The following DMD variants were observed in gnomAD, a reference collection of about 807,000 sequenced individuals.
DMD encodes the protein dystrophin, also known as mutant dystrophin.
A neutral mutation model predicts 330.1 loss-of-function variants in DMD; 63 were observed. The ratio of observed to expected loss-of-function variants is 0.19; its 90% CI spans 0.16 to 0.24. The LOEUF (loss-of-function observed/expected upper bound fraction) is 0.24, where lower values mean the gene tolerates loss of function less well. Ranked by LOEUF, DMD falls within the 10% of genes least tolerant of loss-of-function variation. The pLI, the probability that DMD is intolerant of heterozygous loss-of-function variation, is 1.00. For missense variants in DMD, 3,344 were observed against 2,684.1 expected (o/e 1.25, Z -5.43); for synonymous variants, 1,223 against 959.8 (o/e 1.27, Z -5.07).
chrX:33,319,020 T>C (rs761110183), intron 1 of DMD, among the ~76,000 whole-genome samples: 1 of 110,221 alleles, frequency 9.1e-6, no homozygotes, highest in Admixed American at 9.8e-5. Flanking sequence ...GCCTTCTTGT[T>C]TGGGATTAGT....
intron 2 of DMD, among the ~76,000 whole-genome samples, chrX:32,974,244 T>A (rs1474394495): frequency 9.0e-6 from 1 of 111,371 alleles, no homozygotes. Flanking sequence ...AATAGGCAGA[T>A]CTATAGAGAC....
intron 1 of DMD, among the ~76,000 whole-genome samples, chrX:33,189,369 T>C (rs1279662381): frequency 5.4e-5 from 6 of 111,220 alleles, no homozygotes. Flanking sequence ...TGCCAAGATA[T>C]TTGTATTCTC....
chrX:32,909,216 T>C (rs1205293161), intron 2 of DMD, among the ~76,000 whole-genome samples: 1 of 106,091 alleles, frequency 9.4e-6, no homozygotes, highest in Non-Finnish European at 1.9e-5. Flanking sequence ...AAAATCAGTA[T>C]ACACAGGTAG....
At chrX:32,446,525 C>G (rs2098305683) in intron 27 of DMD, among the ~76,000 whole-genome samples, 1 of 110,244 alleles carries the variant, frequency 9.1e-6, no homozygotes, top group Admixed American at 9.7e-5. Context: ...GCTACTCACA[C>G]TCAAGGAAAG....
At chrX:32,634,384 C>T (rs2146657151) in intron 11 of DMD, among the ~76,000 whole-genome samples, 1 of 112,096 alleles carries the variant, frequency 8.9e-6, no homozygotes, top group African/African-American at 3.2e-5. Context: ...TCTCACCTCT[C>T]CTTTCCTGAA....
chrX:31,740,305 T>A (rs746275008), intron 51 of DMD, among the ~76,000 whole-genome samples: 26 of 112,339 alleles, frequency 2.3e-4, no homozygotes, highest in Admixed American at 8.5e-4. Context: ...ATTTGGCATA[T>A]TAACAAAGGA....
intron 1 of DMD, among the ~76,000 whole-genome samples, chrX:33,304,862 A>G (rs1349622980): frequency 9.6e-6 from 1 of 104,161 alleles, no homozygotes; most frequent in Non-Finnish European, 2.0e-5. Context: ...CAAAACCACA[A>G]TGAGATACCA....
In DMD at chrX:32,648,265, GAAT is replaced by G. The variant is rs111563332; in HGVS notation, c.961-3116_961-3114del. Among the ~76,000 whole-genome samples the G allele has an allele frequency of 8.9e-3, 997 of 111,482 alleles. 7 individuals are homozygous for G. Among genetic ancestry groups the G allele is most frequent in the African/African-American group, 0.031 (958 of 30,757 alleles). On this transcript the variant is annotated intron_variant, in intron 9 of 78. Transcript: ENST00000357033. The stretch of plus-strand genomic sequence containing the variant: ...CCTTCTTAAAGATAAATTCAAATCT[GAAT>G]AAGCTATGCAAAATTTTATATTTAT...
chrX:31,122,535 T>C (rs1308416544), intron 78 of DMD, among the ~76,000 whole-genome samples: 1 of 111,334 alleles, frequency 9.0e-6, no homozygotes. Context: ...GGCTATTTTC[T>C]CTCTGCTTTT....
Position 32,248,074 on chromosome X carries a change from A to G in DMD, c.6291-31011T>C, listed in dbSNP as rs149698849. Reference sequence around the variant, plus strand: ...TGAAGAGAAAGAGGTTATACTAATTATTTGAGCTGTTTCTTTTCATAAGTG... The same window carrying G: ...TGAAGAGAAAGAGGTTATACTAATTGTTTGAGCTGTTTCTTTTCATAAGTG... On this transcript the variant is annotated intron_variant, in intron 43 of 78. Coordinates refer to ENST00000357033, the MANE Select transcript of DMD (RefSeq NM_004006.3). 6.3e-3 allele frequency among the ~76,000 whole-genome samples: 707 copies of G among 111,853 alleles called. 7 individuals are homozygous for G. Among genetic ancestry groups the G allele is most frequent in the African/African-American group, 0.022 (671 of 30,871 alleles).
At chrX:32,742,536 G>A (rs1423306040) in intron 7 of DMD, among the ~76,000 whole-genome samples, 2 of 111,650 alleles carry the variant, frequency 1.8e-5, no homozygotes, top group Non-Finnish European at 3.8e-5. Context: ...TGCTGGGCAA[G>A]GCCGAAGCAT....
At chrX:32,054,088 TGAGAGAGAGAGAGAGAGA>T (rs751524877) in intron 44 of DMD, among the ~76,000 whole-genome samples, 117 of 69,559 alleles carry the variant, frequency 1.7e-3, no homozygotes, top group Middle Eastern at 7.0e-3. Flanking sequence ...TGTGTGTGTG[TGAGAGAGAGAGAGAGAGA>T]GAGAGAGAGA....
At chrX:33,259,699 T>C in intron 1 of DMD, among the ~76,000 whole-genome samples, 1 of 104,474 alleles carries the variant, frequency 9.6e-6, no homozygotes, top group Admixed American at 1.1e-4. Flanking sequence ...GTAATCTGTC[T>C]ATACATTCCA....
chrX:31,818,741 GA>G (rs2092689847), intron 50 of DMD, among the ~76,000 whole-genome samples: 1 of 99,739 alleles, frequency 1.0e-5, no homozygotes. Flanking sequence ...GTCCCAGATT[GA>G]CAAAAAAAAA....
chrX:31,178,567 T>G, intron 70 of DMD, 102 bp downstream of exon 70: 1 of 1,074,069 alleles, frequency 9.3e-7, no homozygotes, highest in Admixed American at 3.0e-5. Flanking sequence ...AAGAAAGAAA[T>G]AGAAGAGACT....
At chrX:32,890,899 A>G (rs1008998658) in intron 2 of DMD, among the ~76,000 whole-genome samples, 31 of 112,102 alleles carry the variant, frequency 2.8e-4, no homozygotes, top group South Asian at 3.7e-4. Flanking sequence ...TTGGGAGAAC[A>G]AGTTTACTTT....
intron 60 of DMD, among the ~76,000 whole-genome samples, chrX:31,394,142 C>A (rs1361616264): frequency 8.9e-6 from 1 of 112,299 alleles, no homozygotes; most frequent in Non-Finnish European, 1.9e-5. Flanking sequence ...TGATATCCAT[C>A]TCAAAAATAT....
chrX:32,460,132 A>G (rs956112664), intron 25 of DMD, among the ~76,000 whole-genome samples: 2 of 111,225 alleles, frequency 1.8e-5, no homozygotes, highest in Non-Finnish European at 3.8e-5. Flanking sequence ...AAAATTCCAC[A>G]TCGGTAATCA....
At chrX:33,306,517 T>C (rs765442067) in intron 1 of DMD, among the ~76,000 whole-genome samples, 2 of 111,120 alleles carry the variant, frequency 1.8e-5, no homozygotes, top group Non-Finnish European at 3.8e-5. Context: ...CAACATTTAA[T>C]TGAGGAAATA....
Sources: gnomAD v4.1 joint callset for allele counts (sites outside exome capture counted in the v4.1 genomes callset) on GRCh38, gnomAD v4.1.1 for gene constraint, MANE v1.5 for transcripts, NCBI Gene and HGNC (gene_info 2026-07-23, HGNC 2026-07-21) for gene names.